Variants in TES observed in about 807,000 individuals in gnomAD.
TES encodes the protein testin LIM domain protein.
In TES, 41 loss-of-function variants were observed where a neutral mutation model predicts 48.2. The observed-to-expected ratio is 0.85, with a 90% CI of 0.66 to 1.10. The LOEUF is 1.10. TES is among the 50% of genes least tolerant of loss of function. The probability of loss-of-function intolerance (pLI) is 0.00; values close to 1 mark genes in which losing one functional copy is unlikely to be tolerated. For synonymous variants in TES, 162 were observed against 174.9 expected (o/e 0.93, Z 0.58); for missense variants, 463 against 515.1 (o/e 0.90, Z 0.98).
At chr7:116,246,188 C>A (rs1001070490) in intron 2 of TES, among the ~76,000 whole-genome samples, 5 of 152,176 alleles carry the variant, frequency 3.3e-5, no homozygotes, top group African/African-American at 9.7e-5. Context: ...CCTTTCTTTT[C>A]ATCTCCACTG....
chr7:116,228,998 C>CTATATATATATATATATATATATA (rs58514364), intron 1 of TES, among the ~76,000 whole-genome samples: 34 of 110,118 alleles, frequency 3.1e-4, no homozygotes, highest in East Asian at 3.6e-4. Context: ...GTATCTATAA[C>CTATATATATATATATATATATATA]TATATATATA....
chr7:116,257,273 T>A (rs371302885), intron 6 of TES, 21 bp from the exon 7 acceptor site: 16 of 1,576,876 alleles, frequency 1.0e-5, no homozygotes, highest in Non-Finnish European at 1.4e-5. Context: ...CACCCTCTTC[T>A]CTTGTATTAT....
At chr7:116,235,839 A>C (rs1054731710) in intron 2 of TES, among the ~76,000 whole-genome samples, 5 of 152,252 alleles carry the variant, frequency 3.3e-5, no homozygotes, top group Non-Finnish European at 5.9e-5. Context: ...TTAAAGGAGA[A>C]TATAAACAAA....
chr7:116,211,045 G>T (rs962364940), intron 1 of TES: 7 of 254,004 alleles, frequency 2.8e-5, no homozygotes, highest in African/African-American at 1.6e-4. Context: ...AGATGTTTCA[G>T]CTCTGCCTGT....
At chr7:116,247,040 T>A (rs1799936657) in intron 2 of TES, among the ~76,000 whole-genome samples, 1 of 150,672 alleles carries the variant, frequency 6.6e-6, no homozygotes, top group Non-Finnish European at 1.5e-5. Context: ...AATGAATGAA[T>A]GTCTGTGTGC....
At chr7:116,226,411 G>A (rs1191180307) in intron 1 of TES, among the ~76,000 whole-genome samples, 2 of 152,164 alleles carry the variant, frequency 1.3e-5, no homozygotes, top group Non-Finnish European at 2.9e-5. Flanking sequence ...TAGAGACAAC[G>A]ACTTTGGCAG....
At chr7:116,249,419 C>G (rs1259541567) in intron 3 of TES, 147 bp downstream of exon 3, 4 of 970,982 alleles carry the variant, frequency 4.1e-6, no homozygotes, top group Non-Finnish European at 6.0e-6. Flanking sequence ...GATTCCTGTT[C>G]TAGTCTTTTG....
In TES at chr7:116,249,171, C is replaced by T. The variant is rs143022406; in HGVS notation, c.265C>T (p.Arg89Cys). Residue 89 changes from arginine (R) to cysteine (C), a missense_variant, in exon 3 of 7, where the codon CGC (arginine) becomes TGC (cysteine). By Grantham distance (180) the Arg-to-Cys change is radical (BLOSUM62 -3). Transcript: ENST00000358204. Reference sequence around the variant, plus strand: ...GTCAGATGGAATTCCCATGTATAAACGCAATGTTATGATATTGACGAATCC... The same window carrying T: ...GTCAGATGGAATTCCCATGTATAAATGCAATGTTATGATATTGACGAATCC... ...LKSDGIPMYK[R>C]NVMILTNPVA... 23 of 1,614,066 alleles carry T rather than the reference C, an allele frequency of 1.4e-5. No individual in the cohort carries two copies. The highest frequency in any genetic ancestry group is 9.3e-5 in the African/African-American group (7 of 75,030).
chr7:116,213,789 C>T (rs1450631490), intron 1 of TES, among the ~76,000 whole-genome samples: 3 of 151,792 alleles, frequency 2.0e-5, no homozygotes, highest in Admixed American at 6.6e-5. Context: ...AGTTACACAT[C>T]TAGACCTCTT....
Position 116,257,295 on chromosome 7 carries a change from T to C in TES, c.1079T>C (p.Val360Ala), listed in dbSNP as rs755057619. The change falls in exon 7 of 7, where the codon GTG (valine) becomes GCG (alanine). Residue 360 changes from valine (V) to alanine (A), a missense_variant and splice_region_variant. Transcript: ENST00000358204. ...TTCTCTTGTATTATTTCTTAATAGG[T>C]GTGTCAAGGATGCCACAATGCCATC... ...KPCYVKNHAV[V>A]CQGCHNAIDP... The C allele has an allele frequency of 6.2e-7, 1 of 1,605,962 alleles. No individual in the cohort carries two copies. The highest frequency in any genetic ancestry group is 8.5e-7 in the Non-Finnish European group (1 of 1,176,288).
At chr7:116,222,242 A>T (rs1004109) in intron 1 of TES, among the ~76,000 whole-genome samples, 50,737 of 151,866 alleles carry the variant, frequency 0.33, 8,915 homozygotes, top group East Asian at 0.57. Flanking sequence ...ATGCCTGTGA[A>T]TGCTAATTTG....
intron 1 of TES, among the ~76,000 whole-genome samples, chr7:116,227,289 G>A (rs754927110): frequency 1.7e-4 from 26 of 150,064 alleles, no homozygotes; most frequent in Non-Finnish European, 3.3e-4. Flanking sequence ...GCTATTTTTT[G>A]TATTTTTTTT....
rs1180900708 is a variant in TES at position 116,258,028 on chromosome 7, T to C, written c.*546T>C. ...TTTTAATGCCTATGCATTTACTCTT[T>C]CCTGATTTAGGCAGAGGTGGCATTT... On this transcript the variant is annotated 3_prime_UTR_variant, in exon 7 of 7. Transcript: ENST00000358204. The C allele has an allele frequency of 6.6e-6, 1 of 152,230 alleles. No individual in the cohort carries two copies. Among genetic ancestry groups the C allele is most frequent in the Non-Finnish European group, 1.5e-5 (1 of 68,050 alleles). The allele number at this position is 152,230 out of a possible 1,614,324, so 9.4% of individuals were successfully genotyped here. A position where few individuals can be genotyped will look rare whatever the true frequency, so the allele number is the denominator to read the frequency against.
chr7:116,245,864 C>T (rs1385256152), intron 2 of TES, among the ~76,000 whole-genome samples: 2 of 152,280 alleles, frequency 1.3e-5, no homozygotes, highest in East Asian at 1.9e-4. Flanking sequence ...GCAAAGCAAA[C>T]ATGTTCTTTA....
intron 2 of TES, among the ~76,000 whole-genome samples, chr7:116,247,558 C>T (rs1799943948): frequency 6.6e-6 from 1 of 151,772 alleles, no homozygotes; most frequent in African/African-American, 2.4e-5. Flanking sequence ...TTGGGGCCAT[C>T]ACCACTTCTT....
At chr7:116,246,946 C>CTT (rs148032626) in intron 2 of TES, among the ~76,000 whole-genome samples, 3,618 of 130,806 alleles carry the variant, frequency 0.028, 228 homozygotes, top group African/African-American at 0.09. Flanking sequence ...AGACTAGGCC[C>CTT]CTTTTTTTTT....
At chr7:116,250,614 G>A (rs1330617296) in intron 4 of TES, 118 bp downstream of exon 4, 2 of 764,890 alleles carry the variant, frequency 2.6e-6, no homozygotes, top group Admixed American at 4.1e-5. Flanking sequence ...TAAGTATGGG[G>A]AATAAATAGG....
chr7:116,239,805 C>T (rs376462065), intron 2 of TES, among the ~76,000 whole-genome samples: 1 of 152,146 alleles, frequency 6.6e-6, no homozygotes, highest in African/African-American at 2.4e-5. Flanking sequence ...GCTGGGAATG[C>T]TTTCAAGTAA....
Position 116,251,848 on chromosome 7 carries a change from C to A in TES, c.791C>A (p.Ala264Asp), listed in dbSNP as rs1385820690. ...RAGYDKLWHP[A>D]CFVCSTCHEL... Reference sequence around the variant, plus strand: ...GGCTATGATAAACTGTGGCACCCAGCTTGTTTTGTCTGCAGCACCTGCCAT... The same window carrying A: ...GGCTATGATAAACTGTGGCACCCAGATTGTTTTGTCTGCAGCACCTGCCAT... Residue 264 changes from alanine to aspartate, a missense_variant, in exon 5 of 7, where the codon GCT becomes GAT. Physicochemically the swap from Ala to Asp is moderately radical, Grantham distance 126 (BLOSUM62 -2). Transcript: ENST00000358204. 4 of 1,614,040 alleles carry A rather than the reference C, an allele frequency of 2.5e-6. No homozygotes were observed. The highest frequency in any genetic ancestry group is 3.4e-6 in the Non-Finnish European group (4 of 1,180,036).
Sources: allele counts gnomAD v4.1 joint callset (sites outside exome capture counted in the v4.1 genomes callset), GRCh38; gene constraint gnomAD v4.1.1; transcripts MANE v1.5; gene names NCBI Gene and HGNC (gene_info 2026-07-23, HGNC 2026-07-21).